Variants in CLK4 observed in about 807,000 individuals in gnomAD.
The protein encoded by CLK4 is dual specificity protein kinase CLK4.
Under a neutral mutation model 64.4 loss-of-function variants are expected in CLK4, and 37 were observed. The ratio of observed to expected loss-of-function variants is 0.57; its 90% CI spans 0.44 to 0.76. CLK4 has a LOEUF of 0.76. Among genes scored for constraint, CLK4 ranks in the 30% least tolerant of loss-of-function variants. The pLI is 0.00. For missense variants in CLK4, 457 were observed against 605.1 expected (o/e 0.76, Z 2.57); for synonymous variants, 175 against 191.6 (o/e 0.91, Z 0.72).
intron 8 of CLK4, 42 bp from the exon 9 acceptor site, chr5:178,612,587 C>T (rs575941668): frequency 1.5e-5 from 24 of 1,594,382 alleles, no homozygotes; most frequent in East Asian, 1.1e-4. Context: ...TCAATAGATA[C>T]ATTTTATAGC....
chr5:178,605,051 A>G, intron 11 of CLK4: 1 of 204,464 alleles, frequency 4.9e-6, no homozygotes, highest in Non-Finnish European at 9.6e-6. Flanking sequence ...AATCACTTGA[A>G]CCCAGGAGGC....
chr5:178,612,975 A>G lies in CLK4; in HGVS notation c.827-85T>C, dbSNP rs576448912. The G allele has an allele frequency of 5.7e-4, 360 of 633,414 alleles. 2 individuals are homozygous for G. In the African/African-American group the frequency reaches 6.0e-3, roughly 11 times the overall value. The allele number at this position is 633,414 out of a possible 1,614,324, so 39.2% of individuals were successfully genotyped here. On this transcript the variant is annotated intron_variant, in intron 7 of 12. Transcript: ENST00000316308. ...GGAAAGGAGGACTGGCAAAGGATAT[A>G]GTGGTCAAGAGACGATTCATCTTTA...
At chr5:178,620,648 C>CTCTTTATGCTACAGAATGAAACAAATGAT in intron 2 of CLK4, 1 of 451,014 alleles carries the variant, frequency 2.2e-6, no homozygotes, top group Non-Finnish European at 4.5e-6. Flanking sequence ...AGGGTAAGGG[C>CTCTTTATGCTACAGAATGAAACAAATGAT]ATTCGTTTTT....
At chr5:178,613,365 G>A in intron 7 of CLK4, 108 bp downstream of exon 7, 1 of 710,892 alleles carries the variant, frequency 1.4e-6, no homozygotes, top group Non-Finnish European at 1.9e-6. Context: ...AGCTTGCTGG[G>A]ACCCGAGAGC....
rs200498030 is a variant in CLK4, at chr5:178,618,533, A to G, written c.384+23T>C. The G allele has an allele frequency of 7.2e-5, 114 of 1,575,512 alleles. No individual in the cohort carries two copies. In the Admixed American group the frequency reaches 8.7e-4, roughly 12 times the overall value. ...TACACACAAATAAAACTCCACTCAA[A>G]TTGAAAACAAAACCAATCATACCGA... On this transcript the variant is annotated intron_variant, in intron 3 of 12. Coordinates refer to ENST00000316308, the MANE Select transcript of CLK4 (RefSeq NM_020666.3).
intron 5 of CLK4, among the ~76,000 whole-genome samples, chr5:178,615,569 T>C (rs1201237077): frequency 6.6e-6 from 1 of 152,216 alleles, no homozygotes; most frequent in Non-Finnish European, 1.5e-5. Flanking sequence ...TAATAAAACA[T>C]TTCTAAGTAT....
chr5:178,618,839 C>T, intron 2 of CLK4, 61 bp from the exon 3 acceptor site: 2 of 1,359,350 alleles, frequency 1.5e-6, no homozygotes, highest in Middle Eastern at 3.7e-4. Context: ...GTGGTTCAAA[C>T]AAAACATTTT....
chr5:178,613,292 G>C (rs932281422), intron 7 of CLK4, among the ~76,000 whole-genome samples, 181 bp downstream of exon 7: 5 of 151,992 alleles, frequency 3.3e-5, no homozygotes, highest in African/African-American at 7.3e-5. Flanking sequence ...ATGGTGGTGG[G>C]CGCCTGTAGT....
chr5:178,606,177 C>G (rs747812618), intron 10 of CLK4, among the ~76,000 whole-genome samples: 2 of 151,988 alleles, frequency 1.3e-5, no homozygotes, highest in Non-Finnish European at 2.9e-5. Context: ...TATAAACCAC[C>G]TCTCAAATAA....
At chr5:178,612,588 AT>A (rs1562128278) in intron 8 of CLK4, 43 bp from the exon 9 acceptor site, 1 of 1,595,310 alleles carries the variant, frequency 6.3e-7, no homozygotes, top group South Asian at 1.1e-5. Context: ...CAATAGATAC[AT>A]TTTATAGCGC....
Position 178,625,262 on chromosome 5 carries a change from C to A in CLK4, c.-1+1684G>T, listed in dbSNP as rs1215246264. On this transcript the variant is annotated intron_variant, in intron 1 of 12. Transcript: ENST00000316308. Reference sequence around the variant, plus strand: ...GACTGGCCTGGGCAACACGGCGAAACCCTGCCTTTACAAAAAATACAAAAA... The same window carrying A: ...GACTGGCCTGGGCAACACGGCGAAAACCTGCCTTTACAAAAAATACAAAAA... 2.0e-5 allele frequency among the ~76,000 whole-genome samples: 3 copies of A among 151,954 alleles called. No individual in the cohort carries two copies. In the East Asian group the frequency reaches 5.8e-4, roughly 29 times the overall value.
chr5:178,622,484 C>G (rs917530531), intron 2 of CLK4: 3 of 954,420 alleles, frequency 3.1e-6, no homozygotes, highest in Non-Finnish European at 3.8e-6. Context: ...AAAACAGAAC[C>G]AACAAAACAA....
At chr5:178,620,353 C>G (rs547273407) in intron 2 of CLK4, 53 of 236,330 alleles carry the variant, frequency 2.2e-4, no homozygotes, top group Non-Finnish European at 2.6e-4. Context: ...CACTAACAAT[C>G]TTTAGCTGGA....
At position 178,613,356 on chromosome 5, in the gene CLK4, G is replaced by A. The variant is rs769454741; in HGVS notation, c.826+117C>T. The A allele has an allele frequency of 1.7e-5, 11 of 630,034 alleles. No homozygotes were observed. The East Asian group carries it at 4.3e-4, about 25-fold the overall frequency. 39.0% of individuals were successfully genotyped at this position (630,034 alleles called of 1,614,324 possible). A position where few individuals can be genotyped will look rare whatever the true frequency, so the allele number is the denominator to read the frequency against. ...AAATGGCGTGAACCCGGGAGGCTGAGCTTGCTGGGACCCGAGAGCGCCACT... is the reference window on the plus strand; with the variant it reads ...AAATGGCGTGAACCCGGGAGGCTGAACTTGCTGGGACCCGAGAGCGCCACT... On this transcript the variant is annotated intron_variant, in intron 7 of 12. Transcript: ENST00000316308.
At chr5:178,610,084 T>G (rs1018853121) in intron 9 of CLK4, among the ~76,000 whole-genome samples, 2 of 151,102 alleles carry the variant, frequency 1.3e-5, no homozygotes, top group Admixed American at 1.3e-4. Context: ...AGGTCAGGAG[T>G]TGGAGACCAG....
chr5:178,617,230 C>A lies in CLK4; in HGVS notation c.475+114G>T. 1 of 815,762 alleles carries A rather than the reference C, an allele frequency of 1.2e-6. No homozygotes were observed. Among genetic ancestry groups the A allele is most frequent in the Non-Finnish European group, 2.0e-6 (1 of 499,898 alleles). 50.5% of individuals were successfully genotyped at this position (815,762 alleles called of 1,614,324 possible). The stretch of plus-strand genomic sequence containing the variant: ...AAATATAAAAGAACAAACAAACCCA[C>A]AAAAAGCAAAATAAAAAAGCAATGA... On this transcript the variant is annotated intron_variant, in intron 4 of 12. Transcript: ENST00000316308. This position sits in a 1 kb window ranked among gnomAD's most constrained non-coding sequence, Gnocchi z 5.2.
At chr5:178,623,708 C>T (rs35460909) in intron 1 of CLK4, among the ~76,000 whole-genome samples, 53,173 of 151,186 alleles carry the variant, frequency 0.35, 10,068 homozygotes, top group Non-Finnish European at 0.44. Flanking sequence ...CTTCAACTAA[C>T]ACTTGCTAAC....
In CLK4 at chr5:178,607,656, G is replaced by A. The variant is rs1395405971; in HGVS notation, c.1134+720C>T. Among the ~76,000 whole-genome samples the A allele has an allele frequency of 4.0e-5, 6 of 151,486 alleles. No homozygotes were observed. In the East Asian group the frequency reaches 5.8e-4, roughly 15 times the overall value. On this transcript the variant is annotated intron_variant, in intron 10 of 12. Coordinates refer to ENST00000316308, the MANE Select transcript of CLK4 (RefSeq NM_020666.3). ...CTCCCGAGTAGCTGGGACTACAGGC[G>A]CCCGCCACCACGCCCAGCTAATTTT...
intron 2 of CLK4, chr5:178,621,686 T>G (rs1176739936): frequency 6.6e-6 from 1 of 152,198 alleles, no homozygotes; most frequent in Non-Finnish European, 1.5e-5. Context: ...GCACGTTGTA[T>G]AATTTGGCAA....
Sources: gnomAD v4.1 joint callset for allele counts (sites outside exome capture counted in the v4.1 genomes callset) on GRCh38, gnomAD v4.1.1 for gene constraint, Gnocchi (gnomAD v3.1) non-coding constraint, MANE v1.5 for transcripts, NCBI Gene and HGNC (gene_info 2026-07-23, HGNC 2026-07-21) for gene names.